Variants in RBFOX1 observed in about 807,000 individuals in gnomAD.
RBFOX1 encodes RNA binding protein fox-1 homolog 1.
In RBFOX1, 8 loss-of-function variants were observed where a neutral mutation model predicts 57.7. The ratio of observed to expected loss-of-function variants is 0.14; its 90% CI spans 0.08 to 0.25. RBFOX1 has a LOEUF of 0.25. Ranked by LOEUF, RBFOX1 falls within the 10% of genes least tolerant of loss-of-function variation. The probability of loss-of-function intolerance (pLI) is 1.00; values close to 1 mark genes in which losing one functional copy is unlikely to be tolerated. For missense variants in RBFOX1, 611 were observed against 548.5 expected (o/e 1.11, Z -1.14); for synonymous variants, 326 against 222.4 (o/e 1.47, Z -4.15).
chr16:6,337,978 C>G (rs138497111), intron 2 of RBFOX1, among the ~76,000 whole-genome samples: 3 of 152,222 alleles, frequency 2.0e-5, no homozygotes, highest in African/African-American at 4.8e-5. Context: ...GTCAGAAAAG[C>G]GACAGTTTTA....
At chr16:5,707,289 G>A (rs891772881) in intron 3 of RBFOX1, among the ~76,000 whole-genome samples, 6 of 152,140 alleles carry the variant, frequency 3.9e-5, no homozygotes, top group South Asian at 2.1e-4. Context: ...CAGCTGTTTG[G>A]GAGAAAGAAA....
intron 4 of RBFOX1, among the ~76,000 whole-genome samples, chr16:7,341,825 T>A (rs1568307213): frequency 6.9e-6 from 1 of 143,938 alleles, no homozygotes; most frequent in African/African-American, 2.6e-5. Flanking sequence ...CTTCCTTCCT[T>A]CCTTTTTGAG....
At chr16:5,709,592 C>G (rs1310679044) in intron 3 of RBFOX1, among the ~76,000 whole-genome samples, 1 of 151,342 alleles carries the variant, frequency 6.6e-6, no homozygotes, top group Non-Finnish European at 1.5e-5. Flanking sequence ...CTGACACTTC[C>G]TGTTTAACAG....
intron 1 of RBFOX1, among the ~76,000 whole-genome samples, chr16:6,043,818 G>C (rs961092167): frequency 6.6e-6 from 1 of 152,172 alleles, no homozygotes; most frequent in Non-Finnish European, 1.5e-5. Flanking sequence ...GAGGGAGGTG[G>C]TTAAATGATA....
chr16:5,581,892 T>G (rs1028649924), intron 2 of RBFOX1, among the ~76,000 whole-genome samples: 1 of 152,022 alleles, frequency 6.6e-6, no homozygotes, highest in Non-Finnish European at 1.5e-5. Context: ...GATGCAAGAT[T>G]TAGGAACAGA....
intron 3 of RBFOX1, among the ~76,000 whole-genome samples, chr16:5,820,586 G>A (rs1224062533): frequency 1.3e-5 from 2 of 152,246 alleles, no homozygotes; most frequent in Admixed American, 1.3e-4. Context: ...GTTTTTGCTT[G>A]GCGGTTGTCA....
chr16:6,581,375 G>A (rs909538492), intron 2 of RBFOX1, among the ~76,000 whole-genome samples: 6 of 152,180 alleles, frequency 3.9e-5, no homozygotes, highest in African/African-American at 4.8e-5. Flanking sequence ...ATTTGTTTGA[G>A]TCTTTTAGGG....
chr16:6,532,178 T>G (rs2096667227), intron 2 of RBFOX1, among the ~76,000 whole-genome samples: 1 of 152,134 alleles, frequency 6.6e-6, no homozygotes, highest in South Asian at 2.1e-4. Context: ...CAAAGAAAGT[T>G]CCTTTAGGAA....
At chr16:7,444,849 C>G (rs1005361114) in intron 4 of RBFOX1, among the ~76,000 whole-genome samples, 1 of 152,082 alleles carries the variant, frequency 6.6e-6, no homozygotes, top group Non-Finnish European at 1.5e-5. Context: ...TACTCTTAAT[C>G]CTGGCCTGTA....
At chr16:5,823,475 G>A (rs1325580554) in intron 3 of RBFOX1, among the ~76,000 whole-genome samples, 3 of 152,154 alleles carry the variant, frequency 2.0e-5, no homozygotes, top group Admixed American at 6.6e-5. Context: ...GTCAGGCACT[G>A]CCCTCTATGG....
intron 2 of RBFOX1, among the ~76,000 whole-genome samples, chr16:6,443,222 G>A (rs2153031006): frequency 6.6e-6 from 1 of 152,222 alleles, no homozygotes; most frequent in Non-Finnish European, 1.5e-5. Context: ...CCATCTCAAA[G>A]GTGTGAAGAT....
At chr16:7,055,123 G>C (rs2051690206) in intron 4 of RBFOX1, among the ~76,000 whole-genome samples, 2 of 152,036 alleles carry the variant, frequency 1.3e-5, no homozygotes, top group Non-Finnish European at 2.9e-5. Flanking sequence ...GAAATACCAT[G>C]TTAAAAAAAG....
At position 6,545,646 on chromosome 16, in the gene RBFOX1, G is replaced by A. The variant is rs188933349; in HGVS notation, c.-63-108957G>A. ...TACTAATTGCAGATTTATTGATGTG[G>A]TGCTTGTTAAGTTACTCACCATGGT... On this transcript the variant is annotated intron_variant, in intron 2 of 15. Coordinates refer to ENST00000550418, the MANE Select transcript of RBFOX1 (RefSeq NM_018723.4). 2.5e-3 allele frequency among the ~76,000 whole-genome samples: 376 copies of A among 152,312 alleles called. 1 individual carries two copies. The highest frequency in any genetic ancestry group is 5.9e-3 in the Admixed American group (90 of 15,296).
intron 3 of RBFOX1, among the ~76,000 whole-genome samples, chr16:5,758,420 C>G (rs900832484): frequency 1.3e-5 from 2 of 152,138 alleles, no homozygotes; most frequent in African/African-American, 4.8e-5. Context: ...ATCTCTTAGA[C>G]TGGGGGAGAA....
intron 3 of RBFOX1, among the ~76,000 whole-genome samples, chr16:6,926,392 C>G (rs959049878): frequency 4.6e-5 from 7 of 152,164 alleles, no homozygotes; most frequent in Admixed American, 2.6e-4. Flanking sequence ...GCAGAAAGTA[C>G]CCACTGGGAT....
chr16:7,117,880 G>A (rs981734180), intron 4 of RBFOX1, among the ~76,000 whole-genome samples: 24 of 152,162 alleles, frequency 1.6e-4, no homozygotes, highest in African/African-American at 5.5e-4. Context: ...GTAGCTGCAG[G>A]ATTCGTGGCT....
chr16:6,157,107 T>A (rs1228944861), intron 1 of RBFOX1, among the ~76,000 whole-genome samples: 1 of 152,108 alleles, frequency 6.6e-6, no homozygotes, highest in Non-Finnish European at 1.5e-5. Flanking sequence ...AGCGCTGGGA[T>A]TAGAGGTGTG....
intron 3 of RBFOX1, among the ~76,000 whole-genome samples, chr16:6,876,976 A>C (rs1050859300): frequency 9.2e-5 from 14 of 152,178 alleles, no homozygotes; most frequent in African/African-American, 3.4e-4. Context: ...TAGAATAATG[A>C]ATATAGTTTT....
At chr16:6,803,850 C>G (rs1009741130) in intron 3 of RBFOX1, among the ~76,000 whole-genome samples, 1 of 152,030 alleles carries the variant, frequency 6.6e-6, no homozygotes, top group Non-Finnish European at 1.5e-5. Context: ...TAAAGAACTC[C>G]TTTTACAATA....
Sources: gnomAD v4.1 joint callset for allele counts (sites outside exome capture counted in the v4.1 genomes callset) on GRCh38, gnomAD v4.1.1 for gene constraint, MANE v1.5 for transcripts, NCBI Gene and HGNC (gene_info 2026-07-23, HGNC 2026-07-21) for gene names.